Variants in TAPT1 observed in about 807,000 individuals in gnomAD.
TAPT1 encodes transmembrane anterior posterior transformation 1, also known as transmembrane anterior posterior transformation protein 1 homolog.
In TAPT1, 28 loss-of-function variants were observed where a neutral mutation model predicts 65.6. The ratio of observed to expected loss-of-function variants is 0.43; its 90% confidence interval spans 0.32 to 0.59. The LOEUF is 0.59. Among genes scored for constraint, TAPT1 ranks in the 20% least tolerant of loss-of-function variants. The probability of loss-of-function intolerance (pLI) is 0.09; values close to 1 mark genes in which losing one functional copy is unlikely to be tolerated. For synonymous variants in TAPT1, 278 were observed against 245.2 expected (o/e 1.13, Z -1.25); for missense variants, 563 against 679.9 (o/e 0.83, Z 1.91).
At chr4:16,199,516 A>C (rs1372689179) in intron 3 of TAPT1, among the ~76,000 whole-genome samples, 1 of 152,218 alleles carries the variant, frequency 6.6e-6, no homozygotes, top group African/African-American at 2.4e-5. Context: ...AACCACTAGT[A>C]AAAGTAAATA....
In TAPT1 at chr4:16,213,879, G is replaced by A. The variant is rs1464225970; in HGVS notation, c.219C>T (p.Phe73=). Residue 73 remains phenylalanine, a synonymous_variant, in exon 2 of 14, where the codon TTC becomes TTT. Coordinates refer to ENST00000405303, the MANE Select transcript of TAPT1 (RefSeq NM_153365.3). The part of the protein sequence containing the change: ...RGRTELSLLR[F]LSAELTRGYF... Reference sequence around the variant, plus strand: ...ACCCTCTTGTTAGTTCAGCACTGAGGAACCTCAACAATGAAAGCTCTACAG... The same window carrying A: ...ACCCTCTTGTTAGTTCAGCACTGAGAAACCTCAACAATGAAAGCTCTACAG... 6.3e-7 allele frequency: 1 copy of A among 1,596,052 alleles called. No individual in the cohort carries two copies.
chr4:16,197,398 T>C (rs1408114908), intron 3 of TAPT1, among the ~76,000 whole-genome samples: 2 of 152,224 alleles, frequency 1.3e-5, no homozygotes, highest in Non-Finnish European at 2.9e-5. Context: ...CAACAATAAC[T>C]CAATTCTTGG....
chr4:16,202,505 G>A lies in TAPT1; in HGVS notation c.406C>T (p.Leu136=). 6.4e-7 allele frequency: 1 copy of A among 1,552,394 alleles called. No individual in the cohort carries two copies. Among genetic ancestry groups the A allele is most frequent in the Non-Finnish European group, 8.7e-7 (1 of 1,147,670 alleles). Residue 136 remains leucine (L), a synonymous_variant, in exon 3 of 14, where the codon CTG becomes TTG. Transcript: ENST00000405303. ...AAAGTGAGGAGCCTGAATAGTGCCA[G>A]GAAAACTCTTAAAGGAAGCAGGGTG... The part of the protein sequence containing the change: ...VFTLLPLRVF[L]ALFRLLTLPC...
intron 2 of TAPT1, among the ~76,000 whole-genome samples, chr4:16,210,301 G>C (rs985192748): frequency 4.6e-5 from 7 of 152,164 alleles, no homozygotes; most frequent in Non-Finnish European, 7.3e-5. Context: ...GCAAAGCAGG[G>C]AGATTAAAAG....
At chr4:16,226,535 G>GCCCCT (rs962377324), upstream of TAPT1, 1 of 903,268 alleles carries the variant, frequency 1.1e-6, no homozygotes, top group Non-Finnish European at 1.3e-6. Context: ...GCCTCGCCCC[G>GCCCCT]CCCCTCGCCG....
At chr4:16,197,941 T>G (rs1301417504) in intron 3 of TAPT1, among the ~76,000 whole-genome samples, 1 of 152,248 alleles carries the variant, frequency 6.6e-6, no homozygotes, top group Non-Finnish European at 1.5e-5. Context: ...TGAAGTATTC[T>G]TGAGATCACT....
intron 1 of TAPT1, chr4:16,214,520 T>C (rs553419475): frequency 6.6e-6 from 1 of 152,362 alleles, no homozygotes; most frequent in Non-Finnish European, 1.5e-5. Context: ...ACCCGTGTTT[T>C]TCCTCTGTTC....
intron 2 of TAPT1, among the ~76,000 whole-genome samples, chr4:16,212,397 G>A (rs1750693791): frequency 1.3e-5 from 2 of 152,220 alleles, no homozygotes; most frequent in African/African-American, 4.8e-5. Context: ...ATGGCTTATT[G>A]CTGGAAGAAA....
At chr4:16,190,941 A>G (rs758351310) in intron 4 of TAPT1, 10 of 159,566 alleles carry the variant, frequency 6.3e-5, no homozygotes, top group Admixed American at 1.3e-4. Context: ...TAATCATAAC[A>G]TTTACTTCAT....
intron 11 of TAPT1, 46 bp downstream of exon 11, chr4:16,174,158 A>G: frequency 7.4e-7 from 1 of 1,355,078 alleles, no homozygotes; most frequent in Non-Finnish European, 1.0e-6. Context: ...ATATTCTATA[A>G]TGATGGCTAC....
At chr4:16,179,170 C>T (rs993417079) in intron 8 of TAPT1, 1 of 154,852 alleles carries the variant, frequency 6.5e-6, no homozygotes, top group African/African-American at 2.4e-5. Context: ...ATAGAGGGTA[C>T]TTACACAAAC....
At chr4:16,221,491 A>G (rs1455398605) in intron 1 of TAPT1, among the ~76,000 whole-genome samples, 1 of 152,184 alleles carries the variant, frequency 6.6e-6, no homozygotes, top group Non-Finnish European at 1.5e-5. Context: ...CAGAACTTAA[A>G]TTCAGAAAAA....
At chr4:16,196,849 C>G (rs1169833291) in intron 3 of TAPT1, 3 of 462,654 alleles carry the variant, frequency 6.5e-6, no homozygotes, top group Non-Finnish European at 1.3e-5. Context: ...AAATATATTG[C>G]TCTCAACAAA....
chr4:16,185,001 A>G (rs1405118164), intron 7 of TAPT1, among the ~76,000 whole-genome samples: 3 of 152,120 alleles, frequency 2.0e-5, no homozygotes, highest in African/African-American at 7.2e-5. Context: ...TTTTACATTT[A>G]GTACTTTTTG....
chr4:16,213,910 A>G lies in TAPT1; in HGVS notation c.200-12T>C, dbSNP rs201657671. 1.3e-6 allele frequency: 2 copies of G among 1,579,608 alleles called. No homozygotes were observed. The highest frequency in any genetic ancestry group is 1.4e-5 in the African/African-American group (1 of 72,184). ...CAACAATGAAAGCTCTACAGAAAAGAAAATGACAGAAAACAAAAAGAACAG... is the reference window on the plus strand; with the variant it reads ...CAACAATGAAAGCTCTACAGAAAAGGAAATGACAGAAAACAAAAAGAACAG... On this transcript the variant is annotated splice_polypyrimidine_tract_variant and intron_variant, in intron 1 of 13. Transcript: ENST00000405303.
At chr4:16,170,356 C>T (rs1012314475) in intron 12 of TAPT1, among the ~76,000 whole-genome samples, 3 of 152,206 alleles carry the variant, frequency 2.0e-5, no homozygotes, top group African/African-American at 7.2e-5. Flanking sequence ...AACATGTCTG[C>T]AATGGCAGTC....
chr4:16,220,532 C>T (rs1292057885), intron 1 of TAPT1, among the ~76,000 whole-genome samples: 1 of 151,956 alleles, frequency 6.6e-6, no homozygotes, highest in Non-Finnish European at 1.5e-5. Flanking sequence ...GGGTGGATCC[C>T]AATGTCAAGA....
rs767804199 is a variant in TAPT1, at chr4:16,162,728, C to T, written c.*580G>A. ...CATTTTTTTTTAACCCTACAAAATGCTACTATTCATCATGTCTTATTTAAG... is the reference window on the plus strand; with the variant it reads ...CATTTTTTTTTAACCCTACAAAATGTTACTATTCATCATGTCTTATTTAAG... On this transcript the variant is annotated 3_prime_UTR_variant, in exon 14 of 14. Transcript: ENST00000405303. 1 of 164,636 alleles carries T rather than the reference C, an allele frequency of 6.1e-6. No individual in the cohort carries two copies. Among genetic ancestry groups the T allele is most frequent in the Non-Finnish European group, 1.3e-5 (1 of 75,290 alleles). 10.2% of individuals were successfully genotyped at this position (164,636 alleles called of 1,614,324 possible).
intron 7 of TAPT1, among the ~76,000 whole-genome samples, chr4:16,185,369 A>C (rs1170179987): frequency 2.0e-5 from 3 of 150,370 alleles, no homozygotes; most frequent in Non-Finnish European, 4.4e-5. Context: ...GAATCATCGT[A>C]ATTTTTTTTT....
Sources: allele counts gnomAD v4.1 joint callset (sites outside exome capture counted in the v4.1 genomes callset), GRCh38; gene constraint gnomAD v4.1.1; transcripts MANE v1.5; gene names NCBI Gene and HGNC (gene_info 2026-07-23, HGNC 2026-07-21).